Variants in NEK7 observed in about 807,000 individuals in gnomAD.
NEK7 encodes the protein serine/threonine-protein kinase Nek7.
A neutral mutation model predicts 44.6 loss-of-function variants in NEK7; 18 were observed. That is an observed-to-expected ratio of 0.40 (90% confidence interval 0.28 to 0.60). The LOEUF (loss-of-function observed/expected upper bound fraction) is 0.60. NEK7 is among the 20% of genes least tolerant of loss of function. The probability of loss-of-function intolerance (pLI) is 0.38; values close to 1 mark genes in which losing one functional copy is unlikely to be tolerated. For missense variants in NEK7, 256 were observed against 366.5 expected (o/e 0.70, Z 2.46); for synonymous variants, 130 against 121.1 (o/e 1.07, Z -0.48).
At chr1:198,271,755 C>T (rs1653849941) in intron 5 of NEK7, among the ~76,000 whole-genome samples, 1 of 151,600 alleles carries the variant, frequency 6.6e-6, no homozygotes, top group African/African-American at 2.4e-5. Context: ...AATGCAGTTT[C>T]CCACTAAGTC....
At chr1:198,172,666 C>G (rs1367244294) in intron 1 of NEK7, among the ~76,000 whole-genome samples, 2 of 152,124 alleles carry the variant, frequency 1.3e-5, no homozygotes, top group African/African-American at 4.8e-5. Context: ...TGTATAGATT[C>G]CTAGTTGCTG....
chr1:198,298,054 C>G (rs372320904), intron 9 of NEK7, among the ~76,000 whole-genome samples: 1 of 152,136 alleles, frequency 6.6e-6, no homozygotes, highest in East Asian at 1.9e-4. Flanking sequence ...ATAGCAGTAT[C>G]TCAGGTCAAC....
intron 9 of NEK7, among the ~76,000 whole-genome samples, chr1:198,315,143 GT>G (rs1655322870): frequency 6.6e-6 from 1 of 152,156 alleles, no homozygotes; most frequent in South Asian, 2.1e-4. Context: ...CTGGTGCGCC[GT>G]TTTTTTAAGC....
chr1:198,234,475 T>C (rs7522204), intron 2 of NEK7, among the ~76,000 whole-genome samples: 77,891 of 151,996 alleles, frequency 0.51, 23,238 homozygotes, highest in East Asian at 0.9. Flanking sequence ...AAGAACACTT[T>C]TAAAAATTAG....
intron 9 of NEK7, among the ~76,000 whole-genome samples, chr1:198,303,131 A>C (rs1654936420): frequency 6.6e-6 from 1 of 152,212 alleles, no homozygotes; most frequent in Non-Finnish European, 1.5e-5. Flanking sequence ...TAACATTGAA[A>C]GGAAAGAATG....
chr1:198,195,525 T>A (rs1665203186), intron 1 of NEK7, among the ~76,000 whole-genome samples: 1 of 152,180 alleles, frequency 6.6e-6, no homozygotes, highest in African/African-American at 2.4e-5. Flanking sequence ...TCTTTGAAAT[T>A]TAACCTGAAT....
intron 1 of NEK7, among the ~76,000 whole-genome samples, chr1:198,231,299 G>GTATA (rs1375044919): frequency 5.3e-4 from 52 of 98,258 alleles, no homozygotes; most frequent in African/African-American, 1.9e-3. Flanking sequence ...GTATGTGTGT[G>GTATA]TGTATATATA....
chr1:198,317,399 G>A (rs973614123), intron 9 of NEK7, among the ~76,000 whole-genome samples: 8 of 152,206 alleles, frequency 5.3e-5, no homozygotes, highest in African/African-American at 1.7e-4. Context: ...ACCTTATTCA[G>A]TGTCTTTCTC....
rs1655520406 is a variant in NEK7, at chr1:198,321,030, A to G, written c.*1508A>G. 6.6e-6 allele frequency: 1 copy of G among 152,212 alleles called. No homozygotes were observed. The highest frequency in any genetic ancestry group is 2.1e-4 in the South Asian group (1 of 4,834). 9.4% of individuals were successfully genotyped at this position (152,212 alleles called of 1,614,324 possible). A position where few individuals can be genotyped will look rare whatever the true frequency, so the allele number is the denominator to read the frequency against. Reference sequence around the variant, plus strand: ...AGTCACTGTTAAAGGACTCTGTGCCATCTTACAACCTTGGATGAATTATCC... The same window carrying G: ...AGTCACTGTTAAAGGACTCTGTGCCGTCTTACAACCTTGGATGAATTATCC... On this transcript the variant is annotated 3_prime_UTR_variant, in exon 10 of 10. Coordinates refer to ENST00000367385, the MANE Select transcript of NEK7 (RefSeq NM_133494.3).
chr1:198,198,167 C>T (rs1399665304), intron 1 of NEK7: 1 of 756,390 alleles, frequency 1.3e-6, no homozygotes, highest in Non-Finnish European at 2.4e-6. Context: ...TCCTGGCTGG[C>T]CGGCATTGGG....
chr1:198,252,924 A>G, intron 2 of NEK7, 116 bp from the exon 3 acceptor site: 2 of 793,584 alleles, frequency 2.5e-6, no homozygotes, highest in South Asian at 1.8e-5. Context: ...TGTTGAGTGA[A>G]TGGATGTCTG....
At chr1:198,241,901 T>C (rs1666694931) in intron 2 of NEK7, among the ~76,000 whole-genome samples, 1 of 152,222 alleles carries the variant, frequency 6.6e-6, no homozygotes, top group African/African-American at 2.4e-5. Context: ...CTGCCAATAA[T>C]TGTCTTGGCC....
chr1:198,285,056 C>T (rs1654326293), intron 7 of NEK7, among the ~76,000 whole-genome samples: 1 of 152,068 alleles, frequency 6.6e-6, no homozygotes, highest in Non-Finnish European at 1.5e-5. Context: ...CACTCCCACT[C>T]CACCCCTAGA....
chr1:198,319,293 T>A, intron 9 of NEK7, 119 bp from the exon 10 acceptor site: 1 of 616,964 alleles, frequency 1.6e-6, no homozygotes, highest in South Asian at 2.1e-5. Flanking sequence ...ACAGTGAATG[T>A]TTAGTCAGAA....
intron 2 of NEK7, among the ~76,000 whole-genome samples, chr1:198,241,866 T>A (rs933578565): frequency 5.3e-5 from 8 of 152,244 alleles, no homozygotes; most frequent in Non-Finnish European, 1.5e-5. Context: ...GCAAAAATGA[T>A]GATGATGACT....
chr1:198,181,901 A>G (rs953864636), intron 1 of NEK7, among the ~76,000 whole-genome samples: 4 of 152,038 alleles, frequency 2.6e-5, no homozygotes, highest in Non-Finnish European at 4.4e-5. Context: ...TTGAAGGAGA[A>G]ACTTCATTAA....
intron 3 of NEK7, among the ~76,000 whole-genome samples, chr1:198,256,803 CAG>C (rs1171959510): frequency 7.9e-5 from 12 of 152,136 alleles, no homozygotes. Context: ...AGAGGCTTCA[CAG>C]AGTTCGTGAG....
chr1:198,304,091 C>T (rs1464500463), intron 9 of NEK7, among the ~76,000 whole-genome samples: 1 of 152,142 alleles, frequency 6.6e-6, no homozygotes, highest in African/African-American at 2.4e-5. Context: ...TAAGCAGTCC[C>T]TTTGTTCACC....
At chr1:198,173,151 G>A (rs533642454) in intron 1 of NEK7, among the ~76,000 whole-genome samples, 4 of 152,160 alleles carry the variant, frequency 2.6e-5, no homozygotes, top group Non-Finnish European at 4.4e-5. Context: ...GCAGTTTTTC[G>A]GATGTGGTGG....
Sources: gnomAD v4.1 joint callset for allele counts (sites outside exome capture counted in the v4.1 genomes callset) on GRCh38, gnomAD v4.1.1 for gene constraint, MANE v1.5 for transcripts, NCBI Gene and HGNC (gene_info 2026-07-23, HGNC 2026-07-21) for gene names.